The following LAPTM4B variants were observed in gnomAD, a reference collection of about 807,000 sequenced individuals.
LAPTM4B encodes the protein lysosomal protein transmembrane 4 beta.
A neutral mutation model predicts 28.5 loss-of-function variants in LAPTM4B; 26 were observed. The observed-to-expected ratio is 0.91, with a 90% CI of 0.67 to 1.27. The LOEUF is 1.27. LAPTM4B is among the 50% of genes most tolerant of loss of function. The probability of loss-of-function intolerance (pLI) is 0.00; values close to 1 mark genes in which losing one functional copy is unlikely to be tolerated. For synonymous variants in LAPTM4B, 109 were observed against 106.4 expected (o/e 1.02, Z -0.15); for missense variants, 288 against 285.8 (o/e 1.01, Z -0.06).
chr8:97,792,613 T>C (rs1338590349), intron 1 of LAPTM4B, among the ~76,000 whole-genome samples: 1 of 152,026 alleles, frequency 6.6e-6, no homozygotes, highest in Non-Finnish European at 1.5e-5. Flanking sequence ...TAAATCTCTC[T>C]CTGTAGCGCA....
intron 1 of LAPTM4B, among the ~76,000 whole-genome samples, chr8:97,786,798 T>A (rs1816410385): frequency 6.6e-6 from 1 of 152,074 alleles, no homozygotes; most frequent in Non-Finnish European, 1.5e-5. Context: ...CCTTAGCATG[T>A]AGTAGGTACT....
chr8:97,834,822 C>T (rs1586342709), intron 6 of LAPTM4B, among the ~76,000 whole-genome samples: 1 of 152,198 alleles, frequency 6.6e-6, no homozygotes, highest in East Asian at 1.9e-4. Context: ...GCCATTTCTC[C>T]AGGCAGCCCT....
intron 1 of LAPTM4B, among the ~76,000 whole-genome samples, chr8:97,780,734 T>C (rs2129717238): frequency 6.6e-6 from 1 of 152,332 alleles, no homozygotes; most frequent in African/African-American, 2.4e-5. Flanking sequence ...GTTTATGATC[T>C]GAGTGATGTT....
intron 1 of LAPTM4B, among the ~76,000 whole-genome samples, chr8:97,798,301 T>C (rs1816622532): frequency 6.6e-6 from 1 of 152,138 alleles, no homozygotes; most frequent in Non-Finnish European, 1.5e-5. Flanking sequence ...TCCTCATGGC[T>C]CCCCATTTTC....
chr8:97,806,124 G>GT (rs1816753350), intron 2 of LAPTM4B, among the ~76,000 whole-genome samples: 1 of 152,220 alleles, frequency 6.6e-6, no homozygotes. Context: ...TTGGAGCAAA[G>GT]TAAGAGAGGA....
intron 1 of LAPTM4B, among the ~76,000 whole-genome samples, chr8:97,797,176 G>A (rs1248015799): frequency 6.7e-6 from 1 of 149,318 alleles, no homozygotes; most frequent in South Asian, 2.1e-4. Flanking sequence ...TTCTTATTGC[G>A]CAGGCTGGAG....
At chr8:97,849,817 C>T (rs895840933) in intron 6 of LAPTM4B, among the ~76,000 whole-genome samples, 8 of 150,976 alleles carry the variant, frequency 5.3e-5, no homozygotes, top group South Asian at 4.2e-4. Flanking sequence ...CCCCCCTGCC[C>T]GCCTGCCCGC....
At chr8:97,825,301 C>T (rs1817075525) in intron 6 of LAPTM4B, 148 bp downstream of exon 6, 1 of 498,704 alleles carries the variant, frequency 2.0e-6, no homozygotes, top group Non-Finnish European at 3.6e-6. Flanking sequence ...TCTTAGTTAT[C>T]AAAATACTCA....
chr8:97,778,573 C>T (rs989244288), intron 1 of LAPTM4B, among the ~76,000 whole-genome samples: 1 of 152,092 alleles, frequency 6.6e-6, no homozygotes, highest in Non-Finnish European at 1.5e-5. Flanking sequence ...GGAATTCGCC[C>T]GGTTAATAGT....
At chr8:97,787,945 T>G (rs1816432862) in intron 1 of LAPTM4B, among the ~76,000 whole-genome samples, 1 of 152,164 alleles carries the variant, frequency 6.6e-6, no homozygotes, top group Admixed American at 6.5e-5. Flanking sequence ...GTGATTCTCC[T>G]GCGCCAGCCT....
In LAPTM4B at chr8:97,825,100, A is replaced by G; in HGVS notation, c.550A>G (p.Asn184Asp). ...TGTTTGGAACTGCTACCGATACATCAATGGTAGGAACTCCTCTGATGTCCT... is the reference window on the plus strand; with the variant it reads ...TGTTTGGAACTGCTACCGATACATCGATGGTAGGAACTCCTCTGATGTCCT... ...SCVWNCYRYI[N>D]GRNSSDVLVY... is the part of the protein sequence containing the mutation. Residue 184 changes from asparagine to aspartate, a missense_variant, in exon 6 of 7, where the codon AAT (asparagine) becomes GAT (aspartate). Coordinates refer to ENST00000521545, the MANE Select transcript of LAPTM4B (RefSeq NM_018407.6). 1.2e-6 allele frequency: 2 copies of G among 1,612,026 alleles called. No homozygotes were observed. The highest frequency in any genetic ancestry group is 1.7e-6 in the Non-Finnish European group (2 of 1,178,156).
intron 4 of LAPTM4B, among the ~76,000 whole-genome samples, chr8:97,818,761 G>T (rs1816960254): frequency 6.6e-6 from 1 of 151,830 alleles, no homozygotes; most frequent in African/African-American, 2.4e-5. Flanking sequence ...GAGTGCAGTG[G>T]CATGATCTCG....
At chr8:97,805,530 T>G in intron 2 of LAPTM4B, 66 bp downstream of exon 2, 1 of 864,220 alleles carries the variant, frequency 1.2e-6, no homozygotes, top group Non-Finnish European at 2.0e-6. Flanking sequence ...TCCTATTAAA[T>G]TACAAATATA....
intron 4 of LAPTM4B, 67 bp downstream of exon 4, chr8:97,816,247 A>C (rs1307821334): frequency 1.5e-5 from 21 of 1,425,386 alleles, no homozygotes; most frequent in Non-Finnish European, 2.0e-5. Flanking sequence ...TAAGTAAGGG[A>C]TGTGTAGAGA....
At chr8:97,810,032 C>T (rs575177471) in intron 2 of LAPTM4B, among the ~76,000 whole-genome samples, 3 of 152,148 alleles carry the variant, frequency 2.0e-5, no homozygotes, top group Non-Finnish European at 4.4e-5. Context: ...TGGGCTCAAG[C>T]GATTCTCCCA....
intron 1 of LAPTM4B, among the ~76,000 whole-genome samples, chr8:97,799,522 C>T (rs1170739378): frequency 6.6e-6 from 1 of 152,120 alleles, no homozygotes; most frequent in Non-Finnish European, 1.5e-5. Flanking sequence ...TTATCTGAAC[C>T]TGAGCACGGT....
intron 4 of LAPTM4B, among the ~76,000 whole-genome samples, chr8:97,816,951 A>G (rs1816926955): frequency 6.6e-6 from 1 of 151,756 alleles, no homozygotes; most frequent in African/African-American, 2.4e-5. Context: ...AAAAAAAGAA[A>G]AATCAAAAGA....
At chr8:97,783,736 C>G (rs1816359030) in intron 1 of LAPTM4B, among the ~76,000 whole-genome samples, 1 of 152,206 alleles carries the variant, frequency 6.6e-6, no homozygotes, top group South Asian at 2.1e-4. Context: ...CTTCCCTAGC[C>G]AGGCCTTTCC....
At chr8:97,813,165 C>T (rs936826661) in intron 2 of LAPTM4B, among the ~76,000 whole-genome samples, 2 of 152,198 alleles carry the variant, frequency 1.3e-5, no homozygotes, top group African/African-American at 2.4e-5. Flanking sequence ...AGCAAGGAAG[C>T]CAGTGATGGA....
Sources: allele counts gnomAD v4.1 joint callset (sites outside exome capture counted in the v4.1 genomes callset), GRCh38; gene constraint gnomAD v4.1.1; transcripts MANE v1.5; gene names NCBI Gene and HGNC (gene_info 2026-07-23, HGNC 2026-07-21).